The following RBM47 variants were observed in gnomAD, a reference collection of about 807,000 sequenced individuals.
RBM47 encodes RNA-binding protein 47.
In RBM47, 21 loss-of-function variants were observed where a neutral mutation model predicts 47.1. That is an observed-to-expected ratio of 0.45 (90% CI 0.32 to 0.64). The LOEUF (loss-of-function observed/expected upper bound fraction) is 0.64, where lower values mean the gene tolerates loss of function less well. Among genes scored for constraint, RBM47 ranks in the 30% least tolerant of loss-of-function variants. The pLI is 0.05. For synonymous variants in RBM47, 375 were observed against 361.7 expected (o/e 1.04, Z -0.42); for missense variants, 708 against 870.9 (o/e 0.81, Z 2.35).
intron 1 of RBM47, among the ~76,000 whole-genome samples, chr4:40,555,516 G>A (rs1369849683): frequency 6.6e-6 from 1 of 152,200 alleles, no homozygotes; most frequent in Non-Finnish European, 1.5e-5. Flanking sequence ...CAGGGTACGT[G>A]CAACATATTA....
At chr4:40,578,125 G>A (rs1732511431) in intron 1 of RBM47, among the ~76,000 whole-genome samples, 1 of 152,210 alleles carries the variant, frequency 6.6e-6, no homozygotes, top group African/African-American at 2.4e-5. Context: ...GTTGTTGTCT[G>A]ACCTTCTCAG....
At chr4:40,613,366 C>G (rs980215129) in intron 1 of RBM47, among the ~76,000 whole-genome samples, 2 of 151,758 alleles carry the variant, frequency 1.3e-5, no homozygotes, top group African/African-American at 4.8e-5. Flanking sequence ...AAAAGTATAC[C>G]AAAACTCTGG....
At chr4:40,598,402 A>G (rs73134444) in intron 1 of RBM47, among the ~76,000 whole-genome samples, 3,430 of 152,154 alleles carry the variant, frequency 0.023, 117 homozygotes, top group African/African-American at 0.078. Context: ...GCACACCACC[A>G]TGCCCAGCTA....
chr4:40,554,870 T>C (rs1729926736), intron 1 of RBM47, among the ~76,000 whole-genome samples: 1 of 151,436 alleles, frequency 6.6e-6, no homozygotes, highest in Non-Finnish European at 1.5e-5. Flanking sequence ...CAAGTGATTC[T>C]CCTGCCTCAG....
At chr4:40,474,308 C>G (rs1164603950) in intron 2 of RBM47, among the ~76,000 whole-genome samples, 1 of 152,112 alleles carries the variant, frequency 6.6e-6, no homozygotes, top group South Asian at 2.1e-4. Context: ...GGCTAGCAAG[C>G]GTTCTCCATC....
At chr4:40,522,321 A>G (rs1726272533) in intron 2 of RBM47, among the ~76,000 whole-genome samples, 1 of 152,180 alleles carries the variant, frequency 6.6e-6, no homozygotes, top group African/African-American at 2.4e-5. Context: ...CCTTTCCAAC[A>G]TGGTGAAGCC....
In RBM47 at chr4:40,438,801, G is replaced by A. The variant is rs748709342; in HGVS notation, c.93C>T (p.Asn31=). 2.6e-6 allele frequency: 4 copies of A among 1,546,832 alleles called. No homozygotes were observed. Among genetic ancestry groups the A allele is most frequent in the Non-Finnish European group, 3.5e-6 (4 of 1,151,140 alleles). ...CCATCAGCGCCAGCAGTGCTGCCTC[G>A]TTGGGCGCGCCCGCCACGCCCTCGG... ...KVPEGVAGAP[N]EAALLALMER... is the part of the protein sequence containing the mutation. Residue 31 remains asparagine, a synonymous_variant, in exon 4 of 7, where the codon AAC becomes AAT. Coordinates refer to ENST00000295971, the MANE Select transcript of RBM47 (RefSeq NM_001098634.2).
intron 3 of RBM47, among the ~76,000 whole-genome samples, chr4:40,449,552 G>A (rs2154218944): frequency 6.6e-6 from 1 of 152,356 alleles, no homozygotes; most frequent in East Asian, 1.9e-4. Flanking sequence ...GCCTTTTGCT[G>A]TGGGTTCTCA....
At chr4:40,437,115 T>TAA (rs1712681504) in intron 4 of RBM47, among the ~76,000 whole-genome samples, 1 of 55,200 alleles carries the variant, frequency 1.8e-5, no homozygotes, top group East Asian at 7.6e-4. Context: ...ATATATAAAA[T>TAA]ACATATATAT....
At chr4:40,440,668 GA>G (rs985896074) in intron 3 of RBM47, among the ~76,000 whole-genome samples, 1 of 152,146 alleles carries the variant, frequency 6.6e-6, no homozygotes, top group Non-Finnish European at 1.5e-5. Context: ...GTGGCTTCTG[GA>G]GCCAGACTGC....
At chr4:40,489,502 CCTT>C (rs1721569157) in intron 2 of RBM47, among the ~76,000 whole-genome samples, 1 of 152,074 alleles carries the variant, frequency 6.6e-6, no homozygotes, top group African/African-American at 2.4e-5. Flanking sequence ...ACACTACTGA[CCTT>C]CTAGAAATAA....
intron 2 of RBM47, among the ~76,000 whole-genome samples, chr4:40,528,324 C>T (rs1028457898): frequency 6.6e-6 from 1 of 151,062 alleles, no homozygotes; most frequent in Non-Finnish European, 1.5e-5. Context: ...CAGGAGAATC[C>T]CTTGAAACCA....
At chr4:40,496,887 A>T (rs1029463474) in intron 2 of RBM47, among the ~76,000 whole-genome samples, 2 of 152,026 alleles carry the variant, frequency 1.3e-5, no homozygotes, top group Non-Finnish European at 2.9e-5. Context: ...TAAAAATACA[A>T]AAATTAGCCA....
intron 1 of RBM47, among the ~76,000 whole-genome samples, chr4:40,622,829 C>T (rs1405633897): frequency 6.6e-6 from 1 of 152,176 alleles, no homozygotes; most frequent in Non-Finnish European, 1.5e-5. Context: ...TTGCAGTGAG[C>T]TGAGATCGTG....
intron 1 of RBM47, among the ~76,000 whole-genome samples, chr4:40,592,953 A>G (rs1373563359): frequency 9.8e-5 from 1 of 10,176 alleles, no homozygotes; most frequent in Non-Finnish European, 2.0e-4. Flanking sequence ...ATATATATAT[A>G]TATATATATA....
In RBM47 at chr4:40,538,808, G is replaced by C. The variant is rs1158856959; in HGVS notation, c.-155+5614C>G. The stretch of plus-strand genomic sequence containing the variant: ...ACCACAACACCCAGCTAATTTTTTT[G>C]TATTTTTAATAGAGACAGGGTTTCA... On this transcript the variant is annotated intron_variant, in intron 2 of 6. Transcript: ENST00000295971. Among the ~76,000 whole-genome samples, 3 of 151,182 alleles carry C rather than the reference G, an allele frequency of 2.0e-5. No homozygotes were observed. The Admixed American group carries it at 2.0e-4, about 10-fold the overall frequency.
At chr4:40,447,803 G>A (rs1221917957) in intron 3 of RBM47, among the ~76,000 whole-genome samples, 1 of 152,194 alleles carries the variant, frequency 6.6e-6, no homozygotes, top group Admixed American at 6.5e-5. Context: ...AAGGTCAGGA[G>A]ATCGAGACCA....
intron 2 of RBM47, among the ~76,000 whole-genome samples, chr4:40,476,394 GA>G (rs1003130675): frequency 2.6e-5 from 4 of 151,348 alleles, no homozygotes; most frequent in Non-Finnish European, 5.9e-5. Flanking sequence ...CAGTCTGGGA[GA>G]AAAAAAATAG....
chr4:40,609,549 G>C (rs1041131620), intron 1 of RBM47, among the ~76,000 whole-genome samples: 5 of 151,638 alleles, frequency 3.3e-5, no homozygotes, highest in African/African-American at 1.2e-4. Flanking sequence ...CTGACCTCAA[G>C]TGATCTGCCC....
Sources: gnomAD v4.1 joint callset for allele counts (sites outside exome capture counted in the v4.1 genomes callset) on GRCh38, gnomAD v4.1.1 for gene constraint, MANE v1.5 for transcripts, NCBI Gene and HGNC (gene_info 2026-07-23, HGNC 2026-07-21) for gene names.